The following DCAF6 variants were observed in gnomAD, a reference collection of about 807,000 sequenced individuals.
DCAF6 encodes DDB1- and CUL4-associated factor 6.
Under a neutral mutation model 125.1 loss-of-function variants are expected in DCAF6, and 54 were observed. That is an observed-to-expected ratio of 0.43 (90% CI 0.35 to 0.54). The LOEUF is 0.54. Among genes scored for constraint, DCAF6 ranks in the 20% least tolerant of loss-of-function variants. The probability of loss-of-function intolerance (pLI) is 0.01; values close to 1 mark genes in which losing one functional copy is unlikely to be tolerated. For missense variants in DCAF6, 934 were observed against 1,161.7 expected (o/e 0.80, Z 2.85); for synonymous variants, 371 against 390.4 (o/e 0.95, Z 0.58).
intron 16 of DCAF6, among the ~76,000 whole-genome samples, chr1:168,047,472 A>C (rs1689275154): frequency 1.3e-5 from 2 of 152,072 alleles, no homozygotes; most frequent in Non-Finnish European, 2.9e-5. Flanking sequence ...TTAAAAATTA[A>C]ATATTATTTA....
chr1:168,007,713 G>A (rs1438931265), intron 10 of DCAF6, among the ~76,000 whole-genome samples: 2 of 151,890 alleles, frequency 1.3e-5, no homozygotes, highest in East Asian at 3.9e-4. Context: ...ACTGTTGTTC[G>A]TGTTTCTTGT....
the DCAF6 span, among the ~76,000 whole-genome samples, chr1:167,872,067 A>C: frequency 6.6e-6 from 1 of 151,934 alleles, no homozygotes; most frequent in African/African-American, 2.4e-5. Context: ...CCAGGCTGGG[A>C]GCGGTGGCTC....
the DCAF6 span, among the ~76,000 whole-genome samples, chr1:167,884,700 T>A: frequency 1.4e-5 from 2 of 147,568 alleles, no homozygotes; most frequent in African/African-American, 5.0e-5. Flanking sequence ...TTTAATTTTT[T>A]TTTTTTTTTT....
In DCAF6 at chr1:168,004,925, G is replaced by A. The variant is rs1389105067; in HGVS notation, c.1378+132G>A. ...ATGATCAAAATGACATGTAATATAT[G>A]GTTATGTAACTTAAACACAAAAATT... On this transcript the variant is annotated intron_variant, in intron 10 of 21. Coordinates refer to ENST00000367840, the MANE Select transcript of DCAF6 (RefSeq NM_001198956.2). 5.8e-6 allele frequency: 6 copies of A among 1,036,124 alleles called. No homozygotes were observed. The East Asian group carries it at 1.6e-4, about 27-fold the overall frequency. The allele number at this position is 1,036,124 out of a possible 1,614,324, so 64.2% of individuals were successfully genotyped here.
chr1:167,902,574 C>A, the DCAF6 span, among the ~76,000 whole-genome samples: 1 of 152,338 alleles, frequency 6.6e-6, no homozygotes, highest in East Asian at 1.9e-4. Context: ...TTTAGTTACG[C>A]ATCATCATGG....
chr1:168,009,403 C>CTTTCTT (rs746892287), intron 10 of DCAF6, among the ~76,000 whole-genome samples: 2 of 132,868 alleles, frequency 1.5e-5, no homozygotes, highest in African/African-American at 7.2e-5. Flanking sequence ...TTCTTTCTTT[C>CTTTCTT]TCTCTCTCTC....
intron 4 of DCAF6, among the ~76,000 whole-genome samples, chr1:167,986,965 A>G (rs940509236): frequency 1.3e-5 from 2 of 152,204 alleles, no homozygotes; most frequent in Non-Finnish European, 2.9e-5. Flanking sequence ...CATTTAAACT[A>G]TTGTTTTGAG....
the DCAF6 span, among the ~76,000 whole-genome samples, chr1:167,880,860 A>G: frequency 2.0e-5 from 3 of 152,326 alleles, no homozygotes; most frequent in Non-Finnish European, 2.9e-5. Context: ...ATCTGTGTGC[A>G]TGCTTCGGCC....
At chr1:167,934,926 T>C (rs2102565370), upstream of DCAF6, among the ~76,000 whole-genome samples, 1 of 152,254 alleles carries the variant, frequency 6.6e-6, no homozygotes, top group Middle Eastern at 3.4e-3. Flanking sequence ...TCTTTCAGTT[T>C]CTTACAGTTT....
chr1:167,920,186 T>C, the DCAF6 span: 2 of 773,402 alleles, frequency 2.6e-6, no homozygotes, highest in African/African-American at 3.5e-5. Context: ...AACAATAATG[T>C]AGGATGAGGG....
In DCAF6 at chr1:168,019,988, T is replaced by G. The variant is rs1017006999; in HGVS notation, c.1550-3000T>G. ...TTCTGCCAGCAGTCCTTAACTACCTTGAATGACAGAGTCCAAAGCAAAACA... is the reference window on the plus strand; with the variant it reads ...TTCTGCCAGCAGTCCTTAACTACCTGGAATGACAGAGTCCAAAGCAAAACA... On this transcript the variant is annotated intron_variant, in intron 11 of 21. Coordinates refer to ENST00000367840, the MANE Select transcript of DCAF6 (RefSeq NM_001198956.2). 8 of 152,972 alleles carry G rather than the reference T, an allele frequency of 5.2e-5. No homozygotes were observed. The South Asian group carries it at 1.4e-3, about 27-fold the overall frequency. 9.5% of individuals were successfully genotyped at this position (152,972 alleles called of 1,614,324 possible).
intron 3 of DCAF6, among the ~76,000 whole-genome samples, chr1:167,971,142 C>T (rs371854963): frequency 5.3e-5 from 8 of 152,302 alleles, no homozygotes; most frequent in South Asian, 2.1e-4. Flanking sequence ...CCTGCTTTCT[C>T]GGGTATCTCC....
intron 12 of DCAF6, among the ~76,000 whole-genome samples, chr1:168,026,471 C>T (rs1403049998): frequency 6.6e-6 from 1 of 152,108 alleles, no homozygotes; most frequent in East Asian, 1.9e-4. Flanking sequence ...GAGGCCATTG[C>T]TATAGTCCAC....
At chr1:168,065,202 T>C (rs914649982) in intron 18 of DCAF6, among the ~76,000 whole-genome samples, 17 of 152,202 alleles carry the variant, frequency 1.1e-4, no homozygotes, top group African/African-American at 4.1e-4. Context: ...AATATAGTAT[T>C]GAACAAAGCA....
chr1:167,880,643 G>T, the DCAF6 span: 1 of 1,507,196 alleles, frequency 6.6e-7, no homozygotes, highest in South Asian at 1.1e-5. Context: ...CACAGCTGAT[G>T]GACAGTGTGC....
Position 168,043,217 on chromosome 1 carries a change from C to G in DCAF6, c.1843+77C>G, listed in dbSNP as rs41271645. On this transcript the variant is annotated intron_variant, in intron 14 of 21. Transcript: ENST00000367840. ...ATCTACTTTCCTGTTCCCTTCGATGCTGTATTTTGTTTCTTGTTTTTAATA... is the reference window on the plus strand; with the variant it reads ...ATCTACTTTCCTGTTCCCTTCGATGGTGTATTTTGTTTCTTGTTTTTAATA... 3 of 1,077,920 alleles carry G rather than the reference C, an allele frequency of 2.8e-6. No homozygotes were observed. In the Admixed American group the frequency reaches 6.1e-5, roughly 22 times the overall value. 66.8% of individuals were successfully genotyped at this position (1,077,920 alleles called of 1,614,324 possible). A position where few individuals can be genotyped will look rare whatever the true frequency, so the allele number is the denominator to read the frequency against.
At chr1:168,024,418 A>C (rs1484531446) in intron 12 of DCAF6, among the ~76,000 whole-genome samples, 1 of 152,184 alleles carries the variant, frequency 6.6e-6, no homozygotes. Flanking sequence ...CTTGGTGTGA[A>C]ATATATGTAA....
intron 12 of DCAF6, among the ~76,000 whole-genome samples, chr1:168,025,303 G>A (rs2103261876): frequency 6.6e-6 from 1 of 152,194 alleles, no homozygotes; most frequent in Non-Finnish European, 1.5e-5. Flanking sequence ...TCAGTGCCTG[G>A]GTAGGGTAAA....
chr1:167,987,715 T>G, intron 5 of DCAF6, 107 bp downstream of exon 5: 1 of 592,012 alleles, frequency 1.7e-6, no homozygotes, highest in Non-Finnish European at 3.0e-6. Flanking sequence ...GTAAGTTATG[T>G]GGATGGTAAG....
Sources: allele counts gnomAD v4.1 joint callset (sites outside exome capture counted in the v4.1 genomes callset), GRCh38; gene constraint gnomAD v4.1.1; transcripts MANE v1.5; gene names NCBI Gene and HGNC (gene_info 2026-07-23, HGNC 2026-07-21).